The following CERT1 variants were observed in gnomAD, a reference collection of about 807,000 sequenced individuals.
CERT1 encodes the protein ceramide transporter 1, also known as ceramide transfer protein.
A neutral mutation model predicts 87.9 loss-of-function variants in CERT1; 31 were observed. The ratio of observed to expected loss-of-function variants is 0.35; its 90% CI spans 0.27 to 0.48. The LOEUF is 0.48. Ranked by LOEUF, CERT1 falls within the 20% of genes least tolerant of loss-of-function variation. CERT1 has a pLI of 0.99. For synonymous variants in CERT1, 289 were observed against 250.9 expected (o/e 1.15, Z -1.44); for missense variants, 487 against 758.0 (o/e 0.64, Z 4.20).
chr5:75,511,652 C>T (rs965074871), upstream of CERT1: 56 of 1,498,786 alleles, frequency 3.7e-5, no homozygotes, highest in Non-Finnish European at 4.3e-5. Context: ...CCTGTCCTTT[C>T]CCCTCCCCTT....
In CERT1 at chr5:75,475,497, C is replaced by G. The variant is rs1011801673; in HGVS notation, c.232-16316G>C. Among the ~76,000 whole-genome samples the G allele has an allele frequency of 2.6e-5, 4 of 152,132 alleles. No homozygotes were observed. The East Asian group carries it at 7.7e-4, about 29-fold the overall frequency. On this transcript the variant is annotated intron_variant, in intron 2 of 16. Transcript: ENST00000643780. ...TGGGAATGGGGAAGGAAAGAAGAGC[C>G]CTACCATTTTCTTTTCCCCTCAAGA...
At chr5:75,452,286 A>G (rs528332336) in intron 3 of CERT1, among the ~76,000 whole-genome samples, 1 of 152,332 alleles carries the variant, frequency 6.6e-6, no homozygotes, top group East Asian at 1.9e-4. Flanking sequence ...TGTGTCATGG[A>G]TAATTTCCAC....
intron 11 of CERT1, among the ~76,000 whole-genome samples, chr5:75,397,205 T>A (rs1383811983): frequency 6.6e-6 from 1 of 152,180 alleles, no homozygotes; most frequent in Non-Finnish European, 1.5e-5. Context: ...GGACAACAAA[T>A]ACTTGAAGAC....
intron 3 of CERT1, among the ~76,000 whole-genome samples, chr5:75,444,537 GCTTTT>G (rs1281896416): frequency 1.0e-4 from 15 of 147,164 alleles, no homozygotes; most frequent in South Asian, 6.4e-4. Flanking sequence ...AGTTGATTTT[GCTTTT>G]CTTTTCTTTT....
chr5:75,473,482 A>G (rs530326515), intron 2 of CERT1, among the ~76,000 whole-genome samples: 74 of 116,922 alleles, frequency 6.3e-4, no homozygotes, highest in African/African-American at 2.0e-3. Flanking sequence ...AGACAGACAA[A>G]TAACGCATTA....
At chr5:75,418,393 T>G (rs1298765312) in intron 6 of CERT1, among the ~76,000 whole-genome samples, 1 of 152,192 alleles carries the variant, frequency 6.6e-6, no homozygotes, top group African/African-American at 2.4e-5. Context: ...GAACTGGGAC[T>G]CTCATATGTG....
At chr5:75,468,621 G>GT (rs1443296527) in intron 2 of CERT1, among the ~76,000 whole-genome samples, 4 of 152,138 alleles carry the variant, frequency 2.6e-5, no homozygotes, top group African/African-American at 9.7e-5. Context: ...TCAAACCTCA[G>GT]TAACAGGTAG....
In CERT1 at chr5:75,384,666, T is replaced by A. The variant is rs1249992798; in HGVS notation, c.1464A>T (p.Ala488=). 6.2e-7 allele frequency: 1 copy of A among 1,606,860 alleles called. No homozygotes were observed. Among genetic ancestry groups the A allele is most frequent in the Admixed American group, 1.7e-5 (1 of 59,996 alleles). The change falls in exon 14 of 17, where the codon GCA becomes GCT. Residue 488 remains alanine (A), a synonymous_variant. Coordinates refer to ENST00000643780, the MANE Select transcript of CERT1 (RefSeq NM_001379029.1). The stretch of plus-strand genomic sequence containing the variant: ...CCTTGTGTGTTTGATAAATGATGAT[T>A]GCATTATCAGCTAATGTTTCCACCA... ...FHVVETLADN[A]IIIYQTHKRV...
At chr5:75,455,831 A>G (rs111936541) in intron 3 of CERT1, among the ~76,000 whole-genome samples, 56 of 152,304 alleles carry the variant, frequency 3.7e-4, no homozygotes, top group African/African-American at 8.7e-4. Flanking sequence ...CACAAACTAA[A>G]AGACAGTACA....
intron 3 of CERT1, among the ~76,000 whole-genome samples, chr5:75,456,953 G>C (rs962131906): frequency 2.0e-5 from 3 of 152,052 alleles, no homozygotes; most frequent in Non-Finnish European, 2.9e-5. Context: ...AGAGAAAAGT[G>C]AGCAAAATAA....
chr5:75,494,168 T>C (rs1239968569), intron 2 of CERT1, among the ~76,000 whole-genome samples: 4 of 152,190 alleles, frequency 2.6e-5, no homozygotes, highest in Admixed American at 2.0e-4. Flanking sequence ...TTTTTAACAG[T>C]AGGGAATCTT....
chr5:75,480,164 T>G (rs72633971), intron 2 of CERT1, among the ~76,000 whole-genome samples: 19,457 of 152,246 alleles, frequency 0.13, 1,360 homozygotes, highest in East Asian at 0.23. Flanking sequence ...ATGTCTCTAA[T>G]GTGATACCCT....
At chr5:75,396,157 C>T (rs1762245930) in intron 11 of CERT1, among the ~76,000 whole-genome samples, 1 of 152,048 alleles carries the variant, frequency 6.6e-6, no homozygotes. Context: ...ATATAAACAG[C>T]AAAGTGAAAT....
At chr5:75,417,503 T>TA (rs1763183442) in intron 6 of CERT1, among the ~76,000 whole-genome samples, 1 of 152,194 alleles carries the variant, frequency 6.6e-6, no homozygotes, top group Admixed American at 6.5e-5. Flanking sequence ...CAATGCCTTT[T>TA]ACGTTTCAAT....
chr5:75,456,814 T>C (rs138534528), intron 3 of CERT1, among the ~76,000 whole-genome samples: 1 of 152,110 alleles, frequency 6.6e-6, no homozygotes, highest in East Asian at 1.9e-4. Context: ...AAAGATTAAA[T>C]CTATCCATTG....
intron 13 of CERT1, 92 bp downstream of exon 13, chr5:75,385,810 T>TTAC: frequency 3.0e-6 from 3 of 996,884 alleles, no homozygotes; most frequent in Non-Finnish European, 4.0e-6. Flanking sequence ...TACGTTGACT[T>TTAC]TGTAAACTAT....
intron 11 of CERT1, among the ~76,000 whole-genome samples, chr5:75,394,857 G>C (rs1358597425): frequency 6.6e-6 from 1 of 151,926 alleles, no homozygotes; most frequent in Non-Finnish European, 1.5e-5. Flanking sequence ...GCATATACAA[G>C]GATTTTAAAA....
rs760303962 is a variant in CERT1 at position 75,506,126 on chromosome 5, G to A, written c.97-10C>T. On this transcript the variant is annotated splice_polypyrimidine_tract_variant and intron_variant, in intron 1 of 16. Coordinates refer to ENST00000643780, the MANE Select transcript of CERT1 (RefSeq NM_001379029.1). ...GAATGTAGTTTGTCCACTGGGAGTG[G>A]GAAGGGGAAGGGAAGAGAGAAGAAA... The A allele has an allele frequency of 1.2e-6, 2 of 1,611,068 alleles. No homozygotes were observed. The highest frequency in any genetic ancestry group is 1.3e-5 in the African/African-American group (1 of 74,792).
At chr5:75,501,690 T>C (rs1007362517) in intron 2 of CERT1, among the ~76,000 whole-genome samples, 2 of 152,032 alleles carry the variant, frequency 1.3e-5, no homozygotes, top group African/African-American at 2.4e-5. Context: ...CAACCTTAAA[T>C]AAATATGGGA....
Sources: allele counts gnomAD v4.1 joint callset (sites outside exome capture counted in the v4.1 genomes callset), GRCh38; gene constraint gnomAD v4.1.1; transcripts MANE v1.5; gene names NCBI Gene and HGNC (gene_info 2026-07-23, HGNC 2026-07-21).